CACNA2D2: variants seen among roughly 807,000 people sequenced by gnomAD.
CACNA2D2 encodes calcium voltage-gated channel auxiliary subunit alpha2delta 2, also known as voltage-dependent calcium channel subunit alpha-2/delta-2.
CACNA2D2 carries 48 observed loss-of-function variants against 166.4 expected under a neutral mutation model. The observed-to-expected ratio is 0.29, with a 90% CI of 0.23 to 0.37. The LOEUF (loss-of-function observed/expected upper bound fraction) is 0.37. Among genes scored for constraint, CACNA2D2 ranks in the 10% least tolerant of loss-of-function variants. The pLI, the probability that CACNA2D2 is intolerant of heterozygous loss-of-function variation, is 1.00. For missense variants in CACNA2D2, 1,122 were observed against 1,433.0 expected, an observed-to-expected ratio of 0.78 and a Z score of 3.50; for synonymous variants, 561 against 573.7, an observed-to-expected ratio of 0.98 and a Z score of 0.32.
chr3:50,416,619 T>C (rs1707276818), intron 3 of CACNA2D2, among the ~76,000 whole-genome samples: 2 of 152,280 alleles, frequency 1.3e-5, no homozygotes, highest in African/African-American at 2.4e-5. Context: ...CAGAGGAATG[T>C]GGAGATCACA....
rs919528854 is a variant in CACNA2D2, at chr3:50,377,795, C to T, written c.1488G>A (p.Gly496=). The T allele has an allele frequency of 5.0e-6, 8 of 1,612,990 alleles. No homozygotes were observed. The African/African-American group carries it at 9.3e-5, about 19-fold the overall frequency. Residue 496 remains glycine, a synonymous_variant, in exon 16 of 38, where the codon GGG becomes GGA. Coordinates refer to ENST00000424201, the MANE Select transcript of CACNA2D2 (RefSeq NM_006030.4). ...CAGGGAGGGTCCCTGTTACCACCAACCCCAGTCCCTGAAGGGAGAGGAAGA... is the reference window on the plus strand; with the variant it reads ...CAGGGAGGGTCCCTGTTACCACCAATCCCAGTCCCTGAAGGGAGAGGAAGA... ...TNVYEDALGL[G]LVVTGTLPVF...
intron 3 of CACNA2D2, among the ~76,000 whole-genome samples, chr3:50,422,833 CA>C (rs879034749): frequency 6.6e-6 from 1 of 152,264 alleles, no homozygotes; most frequent in Admixed American, 6.5e-5. Flanking sequence ...GTCACCCTCA[CA>C]GACTCATTTC....
chr3:50,412,030 C>T (rs1480320260), intron 3 of CACNA2D2, among the ~76,000 whole-genome samples: 1 of 152,222 alleles, frequency 6.6e-6, no homozygotes, highest in Non-Finnish European at 1.5e-5. Context: ...GAACACAAAA[C>T]ACTGGGTAGG....
intron 22 of CACNA2D2, among the ~76,000 whole-genome samples, chr3:50,374,336 G>A (rs1704851772): frequency 1.1e-5 from 1 of 94,432 alleles, no homozygotes; most frequent in Non-Finnish European, 2.2e-5. Context: ...GGGGAGGGTA[G>A]GGGGAGGAGG....
chr3:50,498,372 A>C (rs528612107), intron 1 of CACNA2D2, among the ~76,000 whole-genome samples: 12 of 152,270 alleles, frequency 7.9e-5, no homozygotes, highest in Admixed American at 2.6e-4. Flanking sequence ...CCAAGGGACT[A>C]AAGGAGCCAG....
chr3:50,467,215 C>T (rs1709861643), intron 2 of CACNA2D2, among the ~76,000 whole-genome samples: 1 of 152,194 alleles, frequency 6.6e-6, no homozygotes, highest in East Asian at 1.9e-4. Flanking sequence ...CACACTCTCA[C>T]ATCCAGCTCC....
intron 3 of CACNA2D2, among the ~76,000 whole-genome samples, chr3:50,414,828 C>T (rs886376449): frequency 1.3e-5 from 2 of 152,246 alleles, no homozygotes; most frequent in South Asian, 2.1e-4. Context: ...TCCAAGTCTG[C>T]GCCAGGCCGG....
At chr3:50,480,171 G>A (rs1033814704) in intron 1 of CACNA2D2, among the ~76,000 whole-genome samples, 24 of 152,162 alleles carry the variant, frequency 1.6e-4, no homozygotes, top group Non-Finnish European at 2.5e-4. Flanking sequence ...AAACAGACTT[G>A]TCCTGACTCC....
Position 50,364,846 on chromosome 3 carries a change from G to T in CACNA2D2, c.3292-40C>A, listed in dbSNP as rs762065883. 18 of 1,613,162 alleles carry T rather than the reference G, an allele frequency of 1.1e-5. No individual in the cohort carries two copies. The East Asian group carries it at 4.0e-4, about 36-fold the overall frequency. ...AAGGAGCTGGTCGGCCTGGGCGGGC[G>T]CAAGGCCGCGGGATTTCGGGTCCAC... is the stretch of plus-strand genomic sequence containing the variant. On this transcript the variant is annotated intron_variant, in intron 37 of 37. Transcript: ENST00000424201.
chr3:50,497,590 C>T (rs1019820673), intron 1 of CACNA2D2, among the ~76,000 whole-genome samples: 1 of 152,232 alleles, frequency 6.6e-6, no homozygotes, highest in Admixed American at 6.5e-5. Flanking sequence ...AGCCAACAGC[C>T]TGAGTCTCAC....
intron 2 of CACNA2D2, among the ~76,000 whole-genome samples, chr3:50,439,380 A>T (rs1392943760): frequency 6.6e-6 from 1 of 152,232 alleles, no homozygotes; most frequent in Non-Finnish European, 1.5e-5. Context: ...GAACAGCCCT[A>T]ATCTCTGGAA....
intron 2 of CACNA2D2, among the ~76,000 whole-genome samples, chr3:50,468,411 G>GTGTGTGTGTGTA (rs1709918944): frequency 6.7e-6 from 1 of 149,772 alleles, no homozygotes; most frequent in African/African-American, 2.5e-5. Context: ...GTGTGTGTGT[G>GTGTGTGTGTGTA]TGTGTGTGTG....
At chr3:50,485,403 C>G (rs115299897) in intron 1 of CACNA2D2, among the ~76,000 whole-genome samples, 1 of 152,234 alleles carries the variant, frequency 6.6e-6, no homozygotes, top group Non-Finnish European at 1.5e-5. Flanking sequence ...AGATCATTCA[C>G]CTTTTATTTT....
chr3:50,469,525 A>G lies in CACNA2D2; in HGVS notation c.288+6593T>C, dbSNP rs145104604. Among the ~76,000 whole-genome samples, 137 of 152,296 alleles carry G rather than the reference A, an allele frequency of 9.0e-4. 2 individuals are homozygous for G. The highest frequency in any genetic ancestry group is 2.7e-3 in the African/African-American group (111 of 41,566). ...ACCTCTGGAAGGGCAGGCAATTGAC[A>G]GTGGTTGTGGGGGTGGAGATGGGAC... is the stretch of plus-strand genomic sequence containing the variant. On this transcript the variant is annotated intron_variant, in intron 2 of 37. Coordinates refer to ENST00000424201, the MANE Select transcript of CACNA2D2 (RefSeq NM_006030.4).
chr3:50,501,040 G>C (rs955135215), intron 1 of CACNA2D2, among the ~76,000 whole-genome samples: 4 of 152,194 alleles, frequency 2.6e-5, no homozygotes, highest in African/African-American at 9.7e-5. Context: ...GTGCCATGAA[G>C]CTGGGTTCCA....
At position 50,379,850 on chromosome 3, in the gene CACNA2D2, G is replaced by A. The variant is rs1355372539; in HGVS notation, c.894-26C>T. 1 of 1,613,124 alleles carries A rather than the reference G, an allele frequency of 6.2e-7. No individual in the cohort carries two copies. The highest frequency in any genetic ancestry group is 1.1e-5 in the South Asian group (1 of 91,062). ...CTGGAGAGGTCAGGCAGGGGACGTG[G>A]AGGAGCCAGGGGAACCTCACGTGTT... On this transcript the variant is annotated intron_variant, in intron 9 of 37. Transcript: ENST00000424201. The surrounding 1 kb of genome is among the most constrained non-coding windows in gnomAD (Gnocchi z 6.5).
chr3:50,487,838 C>T lies in CACNA2D2; in HGVS notation c.207-11639G>A, dbSNP rs540962941. Reference sequence around the variant, plus strand: ...ATTCCCAACTAGCTCGCTCACTCCCCACCTAGTCACTCACTCACTCATTCA... The same window carrying T: ...ATTCCCAACTAGCTCGCTCACTCCCTACCTAGTCACTCACTCACTCATTCA... On this transcript the variant is annotated intron_variant, in intron 1 of 37. Transcript: ENST00000424201. Among the ~76,000 whole-genome samples, 14 of 152,304 alleles carry T rather than the reference C, an allele frequency of 9.2e-5. No individual in the cohort carries two copies. The East Asian group carries it at 2.1e-3, about 23-fold the overall frequency.
rs1373473229 is a variant in CACNA2D2 at position 50,387,609 on chromosome 3, C to T, written c.469G>A (p.Glu157Lys). ...AHRWQDNIKE[E>K]DIVYYDAKAD... ...TTGGCGTCATAGTACACGATGTCTT[C>T]CTCCTGGTGAGGGGAGAGAGGCCTC... The change falls in exon 5 of 38, where the codon GAA becomes AAA. Residue 157 changes from glutamate to lysine, a missense_variant. Coordinates refer to ENST00000424201, the MANE Select transcript of CACNA2D2 (RefSeq NM_006030.4). 1.9e-6 allele frequency: 3 copies of T among 1,613,154 alleles called. No homozygotes were observed. Among genetic ancestry groups the T allele is most frequent in the South Asian group, 1.1e-5 (1 of 91,012 alleles).
At chr3:50,478,318 C>T (rs1006213090) in intron 1 of CACNA2D2, among the ~76,000 whole-genome samples, 5 of 152,168 alleles carry the variant, frequency 3.3e-5, no homozygotes, top group Non-Finnish European at 5.9e-5. Flanking sequence ...GACAACATAG[C>T]GGATGGCTCC....
Sources: gnomAD v4.1 joint callset for allele counts (sites outside exome capture counted in the v4.1 genomes callset) on GRCh38, gnomAD v4.1.1 for gene constraint, Gnocchi (gnomAD v3.1) non-coding constraint, MANE v1.5 for transcripts, NCBI Gene and HGNC (gene_info 2026-07-23, HGNC 2026-07-21) for gene names.